The following TMED2 variants were observed in gnomAD, a reference collection of about 807,000 sequenced individuals.
TMED2 encodes transmembrane emp24 domain-containing protein 2.
In TMED2, 3 loss-of-function variants were observed where a neutral mutation model predicts 17.5. The observed-to-expected ratio is 0.17, with a 90% CI of 0.08 to 0.44. The LOEUF is 0.44. Among genes scored for constraint, TMED2 ranks in the 20% least tolerant of loss-of-function variants. The pLI is 0.99. For synonymous variants in TMED2, 95 were observed against 91.0 expected (o/e 1.04, Z -0.25); for missense variants, 149 against 254.8 (o/e 0.58, Z 2.83).
rs904020362 is a variant in TMED2, at chr12:123,592,713, G to C, written c.481+2264G>C. On this transcript the variant is annotated intron_variant, in intron 3 of 3. Coordinates refer to ENST00000262225, the MANE Select transcript of TMED2 (RefSeq NM_006815.4). ...TACAGTGTTGTAATAATAATGTGTT[G>C]CTTCTAGATCAGGCTGATATATGAG... is the stretch of plus-strand genomic sequence containing the variant. Among the ~76,000 whole-genome samples, 6 of 152,304 alleles carry C rather than the reference G, an allele frequency of 3.9e-5. No individual in the cohort carries two copies. The East Asian group carries it at 9.6e-4, about 24-fold the overall frequency.
At chr12:123,592,450 C>CA (rs5801523) in intron 3 of TMED2, among the ~76,000 whole-genome samples, 150,694 of 152,324 alleles carry the variant, frequency 0.99, 74,562 homozygotes, top group Middle Eastern at 1. Flanking sequence ...ACATGTCTTC[C>CA]GTCTTTAGGG....
chr12:123,590,249 C>CACT, intron 2 of TMED2, 93 bp from the exon 3 acceptor site: 1 of 935,754 alleles, frequency 1.1e-6, no homozygotes, highest in Non-Finnish European at 1.5e-6. Context: ...AGCACCACTG[C>CACT]ACTCCAGCCT....
At chr12:123,591,272 G>C (rs1341822689) in intron 3 of TMED2, among the ~76,000 whole-genome samples, 1 of 152,304 alleles carries the variant, frequency 6.6e-6, no homozygotes, top group East Asian at 1.9e-4. Flanking sequence ...TTGTAAGTTG[G>C]GAATTTGGAA....
chr12:123,585,021 C>A, intron 1 of TMED2: 1 of 621,258 alleles, frequency 1.6e-6, no homozygotes, highest in Non-Finnish European at 2.7e-6. Context: ...GCCTGGGTTC[C>A]GGGATCCCTT....
At chr12:123,596,467 T>C in intron 3 of TMED2, 138 bp from the exon 4 acceptor site, 2 of 1,129,520 alleles carry the variant, frequency 1.8e-6, no homozygotes, top group Non-Finnish European at 2.4e-6. Context: ...AACCCCATCG[T>C]AAGTTGAGGA....
chr12:123,595,379 T>C (rs1953423465), intron 3 of TMED2, among the ~76,000 whole-genome samples: 1 of 152,184 alleles, frequency 6.6e-6, no homozygotes, highest in Non-Finnish European at 1.5e-5. Flanking sequence ...TTGTATTTGA[T>C]GGTCTGGTAG....
At chr12:123,592,850 A>G (rs2135663444) in intron 3 of TMED2, among the ~76,000 whole-genome samples, 1 of 152,288 alleles carries the variant, frequency 6.6e-6, no homozygotes, top group East Asian at 1.9e-4. Flanking sequence ...CAGGTGGATC[A>G]CCTGAGGTCA....
At position 123,595,185 on chromosome 12, in the gene TMED2, C is replaced by T. The variant is rs140023452; in HGVS notation, c.482-1420C>T. On this transcript the variant is annotated intron_variant, in intron 3 of 3. Coordinates refer to ENST00000262225, the MANE Select transcript of TMED2 (RefSeq NM_006815.4). ...CAGAGGTTGCAGTGAGCTGAGATTG[C>T]GCCACTGCCCTCCAGCCTGGGTGAC... Among the ~76,000 whole-genome samples the T allele has an allele frequency of 4.2e-3, 645 of 152,146 alleles. 6 individuals are homozygous for T. Among genetic ancestry groups the T allele is most frequent in the Non-Finnish European group, 5.1e-3 (349 of 68,010 alleles).
chr12:123,595,892 G>C (rs1233385952), intron 3 of TMED2, among the ~76,000 whole-genome samples: 1 of 152,162 alleles, frequency 6.6e-6, no homozygotes, highest in Non-Finnish European at 1.5e-5. Flanking sequence ...AGTCAAATGG[G>C]CTGGTGCATA....
chr12:123,593,380 G>A (rs970409038), intron 3 of TMED2, among the ~76,000 whole-genome samples: 5 of 152,264 alleles, frequency 3.3e-5, no homozygotes, highest in South Asian at 4.2e-4. Context: ...AGCCTCCTGA[G>A]TAGCTGGGAC....
Position 123,596,623 on chromosome 12 carries a change from G to T in TMED2, c.500G>T (p.Ser167Ile). The change falls in exon 4 of 4, where the codon AGC (serine) becomes ATC (isoleucine). Residue 167 changes from serine to isoleucine, a missense_variant. By Grantham distance (142) the Ser-to-Ile change is moderately radical. Transcript: ENST00000262225. Reference protein sequence around the residue: ...IHRAINDNTNSRVVLWSFFEA... With the variant: ...IHRAINDNTNIRVVLWSFFEA... ...TCAACAGTCAACGACAACACAAACA[G>T]CAGAGTGGTCCTTTGGTCCTTCTTT... 1 of 1,610,028 alleles carries T rather than the reference G, an allele frequency of 6.2e-7. No individual in the cohort carries two copies. The highest frequency in any genetic ancestry group is 8.5e-7 in the Non-Finnish European group (1 of 1,178,702).
chr12:123,585,097 CCT>C (rs1886315385), intron 1 of TMED2: 4 of 382,082 alleles, frequency 1.0e-5, no homozygotes, highest in Non-Finnish European at 2.0e-5. Flanking sequence ...CCTGTTGGAA[CCT>C]CTCGCTGAGC....
chr12:123,590,250 A>T (rs941678916), intron 2 of TMED2, 92 bp from the exon 3 acceptor site: 2 of 963,476 alleles, frequency 2.1e-6, no homozygotes, highest in Non-Finnish European at 2.9e-6. Context: ...GCACCACTGC[A>T]CTCCAGCCTG....
At position 123,590,466 on chromosome 12, in the gene TMED2, A is replaced by C; in HGVS notation, c.481+17A>C. ...ACAGAGCCAGTAAGTGAATGCCGTC[A>C]CTTTGCAGCAGTGTCTGATGGTGAA... On this transcript the variant is annotated intron_variant, in intron 3 of 3. Coordinates refer to ENST00000262225, the MANE Select transcript of TMED2 (RefSeq NM_006815.4). The C allele has an allele frequency of 6.3e-7, 1 of 1,578,082 alleles. No homozygotes were observed. The highest frequency in any genetic ancestry group is 8.6e-7 in the Non-Finnish European group (1 of 1,158,180).
At position 123,584,823 on chromosome 12, in the gene TMED2, G is replaced by A. The variant is rs368121572; in HGVS notation, c.180+7G>A. 1 of 1,607,414 alleles carries A rather than the reference G, an allele frequency of 6.2e-7. No individual in the cohort carries two copies. Among genetic ancestry groups the A allele is most frequent in the Non-Finnish European group, 8.5e-7 (1 of 1,179,732 alleles). Reference sequence around the variant, plus strand: ...CCTGGACATCGACGTGGAGGTGCGGGCTAGCTGCCCGCAGCTGAGGCTTGG... The same window carrying A: ...CCTGGACATCGACGTGGAGGTGCGGACTAGCTGCCCGCAGCTGAGGCTTGG... On this transcript the variant is annotated splice_region_variant and intron_variant, in intron 1 of 3. Coordinates refer to ENST00000262225, the MANE Select transcript of TMED2 (RefSeq NM_006815.4).
At position 123,596,908 on chromosome 12, in the gene TMED2, T is replaced by C. The variant is rs2135665733; in HGVS notation, c.*179T>C. On this transcript the variant is annotated 3_prime_UTR_variant, in exon 4 of 4. Transcript: ENST00000262225. ...TTTTTAGGAAAATTATAGTGAAAAT[T>C]TGACAGTTGATTGGCATAATTTCTT... 1.5e-6 allele frequency: 1 copy of C among 664,792 alleles called. No individual in the cohort carries two copies. Among genetic ancestry groups the C allele is most frequent in the Non-Finnish European group, 2.2e-6 (1 of 462,966 alleles). 41.2% of individuals were successfully genotyped at this position (664,792 alleles called of 1,614,324 possible).
At position 123,596,828 on chromosome 12, in the gene TMED2, G is replaced by A. The variant is rs1953434326; in HGVS notation, c.*99G>A. On this transcript the variant is annotated 3_prime_UTR_variant, in exon 4 of 4. Coordinates refer to ENST00000262225, the MANE Select transcript of TMED2 (RefSeq NM_006815.4). Reference sequence around the variant, plus strand: ...TTTCTCCATTTTTATTTTCTGAACTGTACATTCACAACTTATGTTTCTTTG... The same window carrying A: ...TTTCTCCATTTTTATTTTCTGAACTATACATTCACAACTTATGTTTCTTTG... The A allele has an allele frequency of 7.4e-7, 1 of 1,348,166 alleles. No homozygotes were observed. The highest frequency in any genetic ancestry group is 9.7e-7 in the Non-Finnish European group (1 of 1,026,698). The allele number at this position is 1,348,166 out of a possible 1,614,324, so 83.5% of individuals were successfully genotyped here.
rs145625722 is a variant in TMED2 at position 123,586,539 on chromosome 12, G to A, written c.181-208G>A. On this transcript the variant is annotated intron_variant, in intron 1 of 3. Transcript: ENST00000262225. ...CTAATTTCGTGTTTTTAGTAGAGAC[G>A]GAGTTTTACCATGTTGGCCAGGCTG... 3.1e-3 allele frequency: 974 copies of A among 315,794 alleles called. 8 individuals carry two copies. Among genetic ancestry groups the A allele is most frequent in the African/African-American group, 0.019 (887 of 46,504 alleles). The allele number at this position is 315,794 out of a possible 1,614,324, so 19.6% of individuals were successfully genotyped here.
At chr12:123,587,126 G>GT (rs1445000327) in intron 2 of TMED2, among the ~76,000 whole-genome samples, 187 bp downstream of exon 2, 10 of 151,954 alleles carry the variant, frequency 6.6e-5, no homozygotes, top group Admixed American at 3.9e-4. Flanking sequence ...GCTAGTGTTT[G>GT]TTTTTTTGTT....
Sources: allele counts gnomAD v4.1 joint callset (sites outside exome capture counted in the v4.1 genomes callset), GRCh38; gene constraint gnomAD v4.1.1; transcripts MANE v1.5; gene names NCBI Gene and HGNC (gene_info 2026-07-23, HGNC 2026-07-21).